The following GALNT2 variants were observed in gnomAD, a reference collection of about 807,000 sequenced individuals.
GALNT2 encodes the protein polypeptide N-acetylgalactosaminyltransferase 2.
Under a neutral mutation model 81.4 loss-of-function variants are expected in GALNT2, and 31 were observed. The observed-to-expected ratio is 0.38, with a 90% CI of 0.29 to 0.51. The LOEUF (loss-of-function observed/expected upper bound fraction) is 0.51. Among genes scored for constraint, GALNT2 ranks in the 20% least tolerant of loss-of-function variants. The probability of loss-of-function intolerance (pLI) is 0.87; values close to 1 mark genes in which losing one functional copy is unlikely to be tolerated. For missense variants in GALNT2, 629 were observed against 765.7 expected (o/e 0.82, Z 2.11); for synonymous variants, 303 against 287.4 (o/e 1.05, Z -0.55).
At chr1:230,246,326 A>AG (rs2102744638) in intron 8 of GALNT2, among the ~76,000 whole-genome samples, 176 bp downstream of exon 8, 1 of 152,284 alleles carries the variant, frequency 6.6e-6, no homozygotes, top group South Asian at 2.1e-4. Flanking sequence ...AGAAAAAAAA[A>AG]TAGGCTTGCT....
chr1:230,214,271 C>A (rs1238944802), intron 3 of GALNT2, among the ~76,000 whole-genome samples: 1 of 152,134 alleles, frequency 6.6e-6, no homozygotes, highest in Admixed American at 6.5e-5. Context: ...CACCACCATA[C>A]CTGGCCAATT....
chr1:230,063,305 C>T (rs1450404980), upstream of GALNT2, among the ~76,000 whole-genome samples: 1 of 144,070 alleles, frequency 6.9e-6, no homozygotes, highest in Non-Finnish European at 1.5e-5. Context: ...AGCAAGTGTC[C>T]ACCAAAAAAA....
chr1:230,239,548 A>T (rs1572124258), intron 6 of GALNT2, among the ~76,000 whole-genome samples: 1 of 152,168 alleles, frequency 6.6e-6, no homozygotes, highest in Non-Finnish European at 1.5e-5. Flanking sequence ...GCCGGGGGAG[A>T]CCAAGCCAGT....
At chr1:230,075,977 A>G (rs2102747914) in intron 1 of GALNT2, among the ~76,000 whole-genome samples, 1 of 152,244 alleles carries the variant, frequency 6.6e-6, no homozygotes, top group East Asian at 1.9e-4. Context: ...TGCTAAACAA[A>G]TGAGCCAGTT....
chr1:230,178,707 A>G (rs1402572852), intron 2 of GALNT2, among the ~76,000 whole-genome samples: 1 of 150,958 alleles, frequency 6.6e-6, no homozygotes, highest in African/African-American at 2.4e-5. Flanking sequence ...AACCTCCTCC[A>G]TTGTCAGTAT....
chr1:230,144,574 G>T (rs1038298357), intron 1 of GALNT2, among the ~76,000 whole-genome samples: 1 of 152,154 alleles, frequency 6.6e-6, no homozygotes, highest in Non-Finnish European at 1.5e-5. Flanking sequence ...AATAGACGCT[G>T]TATACTCTTA....
intron 12 of GALNT2, 72 bp from the exon 13 acceptor site, chr1:230,262,849 AT>A: frequency 6.7e-7 from 1 of 1,488,710 alleles, no homozygotes; most frequent in Non-Finnish European, 9.4e-7. Flanking sequence ...TCCTCAGCAG[AT>A]TTTCAAGTTT....
intron 1 of GALNT2, among the ~76,000 whole-genome samples, chr1:230,176,140 C>T (rs752379851): frequency 2.0e-5 from 3 of 151,806 alleles, no homozygotes; most frequent in Admixed American, 2.0e-4. Flanking sequence ...TAGTAGGCAT[C>T]GTTGATTGGA....
intron 1 of GALNT2, among the ~76,000 whole-genome samples, chr1:230,136,616 C>T (rs1009108332): frequency 6.6e-6 from 1 of 152,164 alleles, no homozygotes; most frequent in Admixed American, 6.5e-5. Flanking sequence ...CACTCCGCAG[C>T]GGCTCTGCTC....
intron 15 of GALNT2, among the ~76,000 whole-genome samples, chr1:230,274,855 C>T: frequency 6.6e-6 from 1 of 151,836 alleles, no homozygotes; most frequent in Non-Finnish European, 1.5e-5. Flanking sequence ...TTTCAATTTA[C>T]AAAAATTCTA....
intron 1 of GALNT2, among the ~76,000 whole-genome samples, chr1:230,170,778 A>G (rs1361343785): frequency 1.3e-5 from 2 of 152,084 alleles, no homozygotes; most frequent in Non-Finnish European, 2.9e-5. Context: ...GAGAGAGGGG[A>G]GGAGGTGCCA....
chr1:230,233,744 A>G (rs1664937488), intron 3 of GALNT2, among the ~76,000 whole-genome samples: 1 of 152,254 alleles, frequency 6.6e-6, no homozygotes, highest in African/African-American at 2.4e-5. Flanking sequence ...TAAACTGACA[A>G]TAGATTAATA....
chr1:230,121,327 T>TG (rs1661009551), intron 1 of GALNT2, among the ~76,000 whole-genome samples: 1 of 152,220 alleles, frequency 6.6e-6, no homozygotes, highest in African/African-American at 2.4e-5. Flanking sequence ...TGGCGGGCGG[T>TG]GGGGCAGGCT....
chr1:230,101,376 G>A (rs1257877100), intron 1 of GALNT2, among the ~76,000 whole-genome samples: 1 of 152,216 alleles, frequency 6.6e-6, no homozygotes, highest in Non-Finnish European at 1.5e-5. Flanking sequence ...GGCCTCTGGA[G>A]CTTATGCCCA....
intron 1 of GALNT2, among the ~76,000 whole-genome samples, chr1:230,164,932 T>C (rs1339693233): frequency 6.6e-6 from 1 of 152,152 alleles, no homozygotes; most frequent in Non-Finnish European, 1.5e-5. Flanking sequence ...CTCACACCTG[T>C]TTCTAGAAAC....
chr1:230,168,495 C>T (rs1294516345), intron 1 of GALNT2, among the ~76,000 whole-genome samples: 1 of 152,156 alleles, frequency 6.6e-6, no homozygotes, highest in African/African-American at 2.4e-5. Flanking sequence ...GATTGGCTTT[C>T]GAGCATTTAT....
At chr1:230,082,233 G>A (rs1659755475) in intron 1 of GALNT2, among the ~76,000 whole-genome samples, 1 of 152,238 alleles carries the variant, frequency 6.6e-6, no homozygotes, top group Non-Finnish European at 1.5e-5. Flanking sequence ...TTTGTGTAAG[G>A]TGAAGCTGTG....
At chr1:230,129,064 A>G (rs899512094) in intron 1 of GALNT2, among the ~76,000 whole-genome samples, 9 of 152,214 alleles carry the variant, frequency 5.9e-5, no homozygotes, top group African/African-American at 2.2e-4. Context: ...CTAGCGACGC[A>G]TCAGTCATTC....
At position 230,274,618 on chromosome 1, in the gene GALNT2, C is replaced by T. The variant is rs1487355024; in HGVS notation, c.1560+54C>T. On this transcript the variant is annotated intron_variant, in intron 15 of 15. Coordinates refer to ENST00000366672, the MANE Select transcript of GALNT2 (RefSeq NM_004481.5). ...CGTGATTAACCCAGACCAGGGTAGCCACGGCCTGCGCCCTCTTGCTCTGTG... is the reference window on the plus strand; with the variant it reads ...CGTGATTAACCCAGACCAGGGTAGCTACGGCCTGCGCCCTCTTGCTCTGTG... The T allele has an allele frequency of 3.1e-6, 5 of 1,608,034 alleles. No homozygotes were observed. The East Asian group carries it at 1.1e-4, about 36-fold the overall frequency.
Sources: gnomAD v4.1 joint callset for allele counts (sites outside exome capture counted in the v4.1 genomes callset) on GRCh38, gnomAD v4.1.1 for gene constraint, MANE v1.5 for transcripts, NCBI Gene and HGNC (gene_info 2026-07-23, HGNC 2026-07-21) for gene names.